RO60: variants seen among roughly 807,000 people sequenced by gnomAD.
RO60 encodes Ro60, Y RNA binding protein.
RO60 carries 20 observed loss-of-function variants against 55.3 expected under a neutral mutation model. That is an observed-to-expected ratio of 0.36 (90% CI 0.25 to 0.53). RO60 has a LOEUF of 0.53. Among genes scored for constraint, RO60 ranks in the 20% least tolerant of loss-of-function variants. The pLI is 0.92. For missense variants in RO60, 558 were observed against 646.6 expected, an observed-to-expected ratio of 0.86 and a Z score of 1.49; for synonymous variants, 213 against 213.6, an observed-to-expected ratio of 1.00 and a Z score of 0.02.
chr1:193,082,601 T>C lies in RO60; in HGVS notation c.1357T>C (p.Trp453Arg). 1 of 1,614,006 alleles carries C rather than the reference T, an allele frequency of 6.2e-7. No individual in the cohort carries two copies. Among genetic ancestry groups the C allele is most frequent in the Non-Finnish European group, 8.5e-7 (1 of 1,179,970 alleles). The stretch of plus-strand genomic sequence containing the variant: ...AACTGATTGCTCTCTTCCAATGATC[T>C]GGGCTCAGAAGACAAACACACCTGC... The part of the protein sequence containing the change: ...GGTDCSLPMI[W>R]AQKTNTPADV... Residue 453 changes from tryptophan (W) to arginine (R), a missense_variant, in exon 8 of 9, where the codon TGG becomes CGG. Transcript: ENST00000400968.
intron 2 of RO60, among the ~76,000 whole-genome samples, chr1:193,074,407 T>C (rs1673748451): frequency 6.6e-6 from 1 of 152,238 alleles, no homozygotes; most frequent in Non-Finnish European, 1.5e-5. Context: ...TGTTGTTTCC[T>C]GACTTTTTAA....
rs1674575499 is a variant in RO60 at position 193,085,273 on chromosome 1, CAG to C, written c.*545_*546del. 9.1e-7 allele frequency: 1 copy of C among 1,103,488 alleles called. No individual in the cohort carries two copies. The highest frequency in any genetic ancestry group is 1.6e-5 in the African/African-American group (1 of 61,894). 68.4% of individuals were successfully genotyped at this position (1,103,488 alleles called of 1,614,324 possible). A position where few individuals can be genotyped will look rare whatever the true frequency, so the allele number is the denominator to read the frequency against. On this transcript the variant is annotated 3_prime_UTR_variant, in exon 9 of 9. Transcript: ENST00000400968. Reference sequence around the variant, plus strand: ...ATGAATGAGTTTTACAAATTCCTTTCAGAGTTTTACTAAGATCACACAAATAA... The same window carrying C: ...ATGAATGAGTTTTACAAATTCCTTTCAGTTTTACTAAGATCACACAAATAA...
chr1:193,069,274 A>G lies in RO60; in HGVS notation c.220A>G (p.Ile74Val), dbSNP rs1483393465. The G allele has an allele frequency of 3.7e-6, 6 of 1,614,234 alleles. No homozygotes were observed. Among genetic ancestry groups the G allele is most frequent in the Non-Finnish European group, 5.1e-6 (6 of 1,180,034 alleles). ...TGAAGATGGCAGAGGATGTGAAGTGATACAAGAAATAAAGTCATTTAGTCA... is the reference window on the plus strand; with the variant it reads ...TGAAGATGGCAGAGGATGTGAAGTGGTACAAGAAATAAAGTCATTTAGTCA... ...LIEDGRGCEV[I>V]QEIKSFSQEG... Residue 74 changes from isoleucine (I) to valine (V), a missense_variant, in exon 2 of 9, where the codon ATA (isoleucine) becomes GTA (valine). Coordinates refer to ENST00000400968, the MANE Select transcript of RO60 (RefSeq NM_001173524.2).
At chr1:193,071,899 A>G (rs1673543337) in intron 2 of RO60, among the ~76,000 whole-genome samples, 2 of 150,342 alleles carry the variant, frequency 1.3e-5, no homozygotes, top group Non-Finnish European at 3.0e-5. Context: ...GTGTGTATAT[A>G]TGTATAATTA....
At chr1:193,081,306 A>G (rs925235782) in intron 5 of RO60, 58 bp from the exon 6 acceptor site, 134 of 988,398 alleles carry the variant, frequency 1.4e-4, no homozygotes, top group Non-Finnish European at 3.4e-5. Flanking sequence ...TGATTTAGAA[A>G]TTTAGTCTAC....
chr1:193,063,067 T>C (rs905407667), intron 1 of RO60, among the ~76,000 whole-genome samples: 1 of 152,228 alleles, frequency 6.6e-6, no homozygotes, highest in Non-Finnish European at 1.5e-5. Flanking sequence ...CTCGGTCATA[T>C]GCTAACTATA....
intron 2 of RO60, among the ~76,000 whole-genome samples, chr1:193,075,090 G>A (rs1440886322): frequency 6.6e-6 from 1 of 152,026 alleles, no homozygotes; most frequent in African/African-American, 2.4e-5. Flanking sequence ...TATTTTATTT[G>A]CTTGTCCCTC....
chr1:193,075,987 G>A lies in RO60; in HGVS notation c.748G>A (p.Glu250Lys), dbSNP rs1348362521. Reference sequence around the variant, plus strand: ...GCTAGAAGTCATTCATCTAATAGAAGAACATAGATTAGTTAGAGAACATCT... The same window carrying A: ...GCTAGAAGTCATTCATCTAATAGAAAAACATAGATTAGTTAGAGAACATCT... The part of the protein sequence containing the change: ...DELEVIHLIE[E>K]HRLVREHLLT... The change falls in exon 3 of 9, where the codon GAA (glutamate) becomes AAA (lysine). Residue 250 changes from glutamate (E) to lysine (K), a missense_variant. By Grantham distance (56) the Glu-to-Lys change is moderately conservative. Transcript: ENST00000400968. The A allele has an allele frequency of 6.2e-7, 1 of 1,612,594 alleles. No homozygotes were observed. The highest frequency in any genetic ancestry group is 1.1e-5 in the South Asian group (1 of 90,920).
chr1:193,077,937 TAAA>T (rs1674042814), intron 5 of RO60, among the ~76,000 whole-genome samples: 1 of 152,162 alleles, frequency 6.6e-6, no homozygotes, highest in Non-Finnish European at 1.5e-5. Context: ...TCAGTCTTGA[TAAA>T]AAATGAGTTT....
rs534924448 is a variant in RO60 at position 193,073,216 on chromosome 1, C to T, written c.581-2604C>T. On this transcript the variant is annotated intron_variant, in intron 2 of 8. Coordinates refer to ENST00000400968, the MANE Select transcript of RO60 (RefSeq NM_001173524.2). ...AAGATATACTCACAGGAAACATTTA[C>T]TCATTTAAGATGATTTTGCACCAAA... Among the ~76,000 whole-genome samples the T allele has an allele frequency of 1.3e-5, 2 of 152,270 alleles. 1 individual carries two copies. The highest frequency in any genetic ancestry group is 4.1e-4 in the South Asian group (2 of 4,832).
intron 1 of RO60, among the ~76,000 whole-genome samples, chr1:193,064,785 A>G (rs921866664): frequency 6.6e-6 from 1 of 152,212 alleles, no homozygotes; most frequent in Middle Eastern, 3.2e-3. Context: ...AGAGTCCATG[A>G]ATAAGTAACT....
intron 5 of RO60, 34 bp downstream of exon 5, chr1:193,077,084 C>A (rs374295554): frequency 5.1e-6 from 8 of 1,566,974 alleles, no homozygotes; most frequent in Non-Finnish European, 7.0e-6. Flanking sequence ...AAACAAATGA[C>A]TGAAGACTTA....
rs1262180339 is a variant in RO60 at position 193,069,625 on chromosome 1, T to G, written c.571T>G (p.Ser191Ala). ...ATTAAGATTGTCACATCTTAAACCT[T>G]CCAGTGAAGGTAAGCATAAGATCTT... The part of the protein sequence containing the change: ...DLLRLSHLKP[S>A]SEGLAIVTKY... The change falls in exon 2 of 9, where the codon TCC becomes GCC. Residue 191 changes from serine (S) to alanine (A), a missense_variant. Transcript: ENST00000400968. The G allele has an allele frequency of 2.5e-6, 4 of 1,606,542 alleles. No homozygotes were observed. The highest frequency in any genetic ancestry group is 2.6e-6 in the Non-Finnish European group (3 of 1,174,322).
chr1:193,084,785 A>C lies in RO60; in HGVS notation c.*54A>C, dbSNP rs1558255350. 2 of 1,580,302 alleles carry C rather than the reference A, an allele frequency of 1.3e-6. No individual in the cohort carries two copies. The highest frequency in any genetic ancestry group is 4.5e-5 in the East Asian group (2 of 44,610). On this transcript the variant is annotated 3_prime_UTR_variant, in exon 9 of 9. Coordinates refer to ENST00000400968, the MANE Select transcript of RO60 (RefSeq NM_001173524.2). ...CATTGCCATCAGTGATCTCACTAAAAATATACAGCTACTTCCCAGCTAATC... is the reference window on the plus strand; with the variant it reads ...CATTGCCATCAGTGATCTCACTAAACATATACAGCTACTTCCCAGCTAATC...
chr1:193,076,718 G>A (rs55658425), intron 4 of RO60, 71 bp downstream of exon 4: 31 of 1,446,788 alleles, frequency 2.1e-5, no homozygotes, highest in Admixed American at 4.5e-5. Context: ...TAGAAATGCC[G>A]TCAGTGCATT....
intron 8 of RO60, among the ~76,000 whole-genome samples, chr1:193,083,778 T>C (rs916981775): frequency 1.3e-5 from 2 of 152,106 alleles, no homozygotes; most frequent in African/African-American, 4.8e-5. Context: ...TTTTAAGAAA[T>C]GGGGTCTCCA....
At chr1:193,060,060 A>T in intron 1 of RO60, 1 of 1,323,332 alleles carries the variant, frequency 7.6e-7, no homozygotes, top group Non-Finnish European at 1.0e-6. Context: ...CGCTCCCCAC[A>T]GGCCGACGTC....
intron 1 of RO60, among the ~76,000 whole-genome samples, chr1:193,067,644 A>G (rs1324913384): frequency 6.6e-6 from 1 of 152,220 alleles, no homozygotes. Context: ...GACAGATTGA[A>G]GGACCTCAAT....
intron 2 of RO60, among the ~76,000 whole-genome samples, chr1:193,073,615 C>T (rs901513703): frequency 1.3e-5 from 2 of 152,142 alleles, no homozygotes; most frequent in Admixed American, 6.6e-5. Context: ...ACTCTGTTGG[C>T]CAGGCTGGAG....
Sources: allele counts gnomAD v4.1 joint callset (sites outside exome capture counted in the v4.1 genomes callset), GRCh38; gene constraint gnomAD v4.1.1; transcripts MANE v1.5; gene names NCBI Gene and HGNC (gene_info 2026-07-23, HGNC 2026-07-21).